TRPV5: variants seen among roughly 807,000 people sequenced by gnomAD.
TRPV5 encodes calcium transport protein 2.
TRPV5 carries 66 observed loss-of-function variants against 74.1 expected under a neutral mutation model. The ratio of observed to expected loss-of-function variants is 0.89; its 90% CI spans 0.73 to 1.09. The LOEUF is 1.09. Ranked by LOEUF, TRPV5 falls within the 50% of genes least tolerant of loss-of-function variation. TRPV5 has a pLI of 0.00. For synonymous variants in TRPV5, 399 were observed against 360.7 expected, an observed-to-expected ratio of 1.11 and a Z score of -1.20; for missense variants, 936 against 930.4, an observed-to-expected ratio of 1.01 and a Z score of -0.08.
intron 5 of TRPV5, 69 bp from the exon 6 acceptor site, chr7:142,928,935 G>T: frequency 6.2e-7 from 1 of 1,611,690 alleles, no homozygotes; most frequent in Non-Finnish European, 8.5e-7. Flanking sequence ...CCCACTCTGG[G>T]GTCTTCCTAA....
intron 8 of TRPV5, among the ~76,000 whole-genome samples, chr7:142,923,635 G>T (rs1456105035): frequency 6.6e-6 from 1 of 152,022 alleles, no homozygotes; most frequent in African/African-American, 2.4e-5. Context: ...AGGCAGAAAG[G>T]GTAAAAATGC....
Position 142,908,181 on chromosome 7 carries a change from C to G in TRPV5, c.*333G>C. On this transcript the variant is annotated 3_prime_UTR_variant, in exon 15 of 15. Coordinates refer to ENST00000265310, the MANE Select transcript of TRPV5 (RefSeq NM_019841.7). ...CTGGGGAGCCAGAAAAGCCTCACAG[C>G]TTACTACTTTCTAGGGGCTGCGTGG... is the stretch of plus-strand genomic sequence containing the variant. 2.8e-6 allele frequency: 1 copy of G among 359,328 alleles called. No individual in the cohort carries two copies. Among genetic ancestry groups the G allele is most frequent in the Non-Finnish European group, 5.1e-6 (1 of 196,986 alleles). The allele number at this position is 359,328 out of a possible 1,614,324, so 22.3% of individuals were successfully genotyped here.
rs1191520945 is a variant in TRPV5 at position 142,930,431 on chromosome 7, T to C, written c.144A>G (p.Pro48=). 3 of 1,613,920 alleles carry C rather than the reference T, an allele frequency of 1.9e-6. No homozygotes were observed. Among genetic ancestry groups the C allele is most frequent in the Admixed American group, 3.3e-5 (2 of 60,018 alleles). The change falls in exon 2 of 15, where the codon CCA becomes CCG. Residue 48 remains proline, a synonymous_variant. Transcript: ENST00000265310. ...MLQQKRILES[P]LLRASKENDL... ...CATTTTCCTTGGATGCTCGAAGCAG[T>C]GGAGACTCTAGAATCCTGGGGAAAG... is the stretch of plus-strand genomic sequence containing the variant.
intron 1 of TRPV5, among the ~76,000 whole-genome samples, chr7:142,931,715 T>A (rs542695069): frequency 1.3e-5 from 2 of 152,314 alleles, no homozygotes; most frequent in African/African-American, 4.8e-5. Flanking sequence ...TTATTTATTT[T>A]TTTTGAGACG....
chr7:142,909,137 T>C (rs912857834), intron 14 of TRPV5, among the ~76,000 whole-genome samples: 1 of 151,968 alleles, frequency 6.6e-6, no homozygotes, highest in Non-Finnish European at 1.5e-5. Context: ...GATGACGAGA[T>C]GCAATTCAGG....
intron 8 of TRPV5, among the ~76,000 whole-genome samples, chr7:142,924,216 C>CTGTATATATATACATATACA (rs1795929047): frequency 1.4e-5 from 2 of 139,570 alleles, no homozygotes. Context: ...ACATGACACA[C>CTGTATATATATACATATACA]TGTATATATA....
intron 12 of TRPV5, among the ~76,000 whole-genome samples, 176 bp downstream of exon 12, chr7:142,914,464 C>G (rs1468123784): frequency 6.6e-6 from 1 of 151,956 alleles, no homozygotes; most frequent in Admixed American, 6.6e-5. Context: ...GCCCCTGGTC[C>G]TATAAATATG....
chr7:142,929,177 C>A lies in TRPV5; in HGVS notation c.488-57G>T. On this transcript the variant is annotated intron_variant, in intron 4 of 14. Transcript: ENST00000265310. ...ACGCAGGATGGCAGGATGGGGTGGG[C>A]AGTCTCCCCCAAATAAGGGCCTCCT... is the stretch of plus-strand genomic sequence containing the variant. 5.1e-6 allele frequency: 8 copies of A among 1,583,894 alleles called. No individual in the cohort carries two copies. In the East Asian group the frequency reaches 1.6e-4, roughly 32 times the overall value.
At chr7:142,919,485 C>T (rs945714022) in intron 8 of TRPV5, among the ~76,000 whole-genome samples, 2 of 152,164 alleles carry the variant, frequency 1.3e-5, no homozygotes, top group African/African-American at 2.4e-5. Flanking sequence ...GACAACTAAT[C>T]GTGCTTTTCT....
chr7:142,933,569 G>A lies in TRPV5; in HGVS notation c.-110C>T, dbSNP rs370080340. ...GGTCTATTTGGGGCTGGGACTCTGA[G>A]TTTATCTCCTGTATGACTTGTGTAT... On this transcript the variant is annotated 5_prime_UTR_variant, in exon 1 of 15. Coordinates refer to ENST00000265310, the MANE Select transcript of TRPV5 (RefSeq NM_019841.7). 182 of 1,430,496 alleles carry A rather than the reference G, an allele frequency of 1.3e-4. No homozygotes were observed. The African/African-American group carries it at 2.4e-3, about 19-fold the overall frequency. 88.6% of individuals were successfully genotyped at this position (1,430,496 alleles called of 1,614,324 possible).
At chr7:142,927,580 G>GGAGCAGGAGGAAGAGA (rs72446748) in intron 7 of TRPV5, among the ~76,000 whole-genome samples, 1 of 152,096 alleles carries the variant, frequency 6.6e-6, no homozygotes, top group Non-Finnish European at 1.5e-5. Flanking sequence ...CTACATGGCC[G>GGAGCAGGAGGAAGAGA]GAGCAGGAGG....
At chr7:142,931,590 T>A (rs986754112) in intron 1 of TRPV5, among the ~76,000 whole-genome samples, 1 of 152,184 alleles carries the variant, frequency 6.6e-6, no homozygotes, top group Non-Finnish European at 1.5e-5. Context: ...GCACATGGTG[T>A]AGGGGGAAGA....
intron 8 of TRPV5, among the ~76,000 whole-genome samples, chr7:142,920,875 A>G (rs987947187): frequency 6.6e-6 from 1 of 152,230 alleles, no homozygotes; most frequent in African/African-American, 2.4e-5. Context: ...CCTTACTGTC[A>G]GAATCCACAG....
At chr7:142,918,406 C>A (rs1795831243) in intron 8 of TRPV5, among the ~76,000 whole-genome samples, 1 of 152,234 alleles carries the variant, frequency 6.6e-6, no homozygotes, top group Admixed American at 6.5e-5. Context: ...GAACTTATGC[C>A]TTAGGGCAAA....
At chr7:142,925,328 A>G (rs1795964957) in intron 8 of TRPV5, 1 of 604,482 alleles carries the variant, frequency 1.7e-6, no homozygotes, top group Non-Finnish European at 2.9e-6. Flanking sequence ...GAAAATCCAC[A>G]GCTCCCTGGA....
Position 142,929,085 on chromosome 7 carries a change from T to A in TRPV5, c.523A>T (p.Ser175Cys), listed in dbSNP as rs768541005. The A allele has an allele frequency of 3.2e-5, 51 of 1,614,002 alleles. No individual in the cohort carries two copies. In the South Asian group the frequency reaches 3.2e-4, roughly 10 times the overall value. The change falls in exon 5 of 15, where the codon AGC (serine) becomes TGC (cysteine). Residue 175 changes from serine (S) to cysteine (C), a missense_variant. Transcript: ENST00000265310. Reference sequence around the variant, plus strand: ...ATGAGCAGCCGCACGATCTCCTCGCTGTTCACACAGGCAGCAAAGGACAAA... The same window carrying A: ...ATGAGCAGCCGCACGATCTCCTCGCAGTTCACACAGGCAGCAAAGGACAAA... ...HPLSFAACVN[S>C]EEIVRLLIEH...
chr7:142,926,656 A>G (rs777914409), intron 7 of TRPV5, among the ~76,000 whole-genome samples: 4 of 152,184 alleles, frequency 2.6e-5, no homozygotes, highest in African/African-American at 4.8e-5. Flanking sequence ...AGGGGGCTAG[A>G]AAGGAAGATT....
rs758320538 is a variant in TRPV5, at chr7:142,915,547, C to A, written c.1144G>T (p.Asp382Tyr). 6.2e-7 allele frequency: 1 copy of A among 1,614,162 alleles called. No individual in the cohort carries two copies. ...AGCTCCCCCACCAGCCTGATGATAT[C>A]TTCACGTGTCTCATAGGCCTCCTAT... ...LLQEAYETRE[D>Y]IIRLVGELVS... The change falls in exon 9 of 15, where the codon GAT becomes TAT. Residue 382 changes from aspartate to tyrosine, a missense_variant. By Grantham distance (160) the Asp-to-Tyr change is radical. Transcript: ENST00000265310.
rs775488532 is a variant in TRPV5 at position 142,933,415 on chromosome 7, G to C, written c.45C>G (p.Leu15=). 2.5e-6 allele frequency: 4 copies of C among 1,614,056 alleles called. No individual in the cohort carries two copies. In the African/African-American group the frequency reaches 4.0e-5, roughly 16 times the overall value. The change falls in exon 1 of 15, where the codon CTC becomes CTG. Residue 15 remains leucine (L), a synonymous_variant. Transcript: ENST00000265310. ...CCAGAAAGGAGGGCAGAAGTTTCTG[G>C]AGTTGGCTCCCGGGCCCTTCTGCCT... is the stretch of plus-strand genomic sequence containing the variant. ...LPKAEGPGSQ[L]QKLLPSFLVR... is the part of the protein sequence containing the mutation.
Sources: allele counts gnomAD v4.1 joint callset (sites outside exome capture counted in the v4.1 genomes callset), GRCh38; gene constraint gnomAD v4.1.1; transcripts MANE v1.5; gene names NCBI Gene and HGNC (gene_info 2026-07-23, HGNC 2026-07-21).